RNPEPL1: variants seen among roughly 807,000 people sequenced by gnomAD.
RNPEPL1 encodes aminopeptidase RNPEPL1.
RNPEPL1 carries 46 observed loss-of-function variants against 69.0 expected under a neutral mutation model. The observed-to-expected ratio is 0.67, with a 90% CI of 0.53 to 0.85. The LOEUF (loss-of-function observed/expected upper bound fraction) is 0.85. RNPEPL1 is among the 40% of genes least tolerant of loss of function. The pLI is 0.00. For missense variants in RNPEPL1, 869 were observed against 992.5 expected (o/e 0.88, Z 1.67); for synonymous variants, 525 against 454.1 (o/e 1.16, Z -1.98).
Position 240,568,845 on chromosome 2 carries a change from T to C in RNPEPL1, c.259T>C (p.Ser87Pro), listed in dbSNP as rs1285808370. Reference sequence around the variant, plus strand: ...CGCGCACCCGGCTCTGCGCCTGCACTCAGCCGCCTTCCGTCGCGCCCCCGC... The same window carrying C: ...CGCGCACCCGGCTCTGCGCCTGCACCCAGCCGCCTTCCGTCGCGCCCCCGC... Reference protein sequence around the residue: ...LDAHPALRLHSAAFRRAPAAA... With the variant: ...LDAHPALRLHPAAFRRAPAAA... Residue 87 changes from serine to proline, a missense_variant, in exon 1 of 11, where the codon TCA becomes CCA. Transcript: ENST00000270357. The surrounding 1 kb of genome is among the most constrained non-coding windows in gnomAD (Gnocchi z 6.2). 3 of 1,178,960 alleles carry C rather than the reference T, an allele frequency of 2.5e-6. No homozygotes were observed. Among genetic ancestry groups the C allele is most frequent in the African/African-American group, 1.7e-5 (1 of 59,060 alleles). The allele number at this position is 1,178,960 out of a possible 1,614,324, so 73.0% of individuals were successfully genotyped here. A position where few individuals can be genotyped will look rare whatever the true frequency, so the allele number is the denominator to read the frequency against.
chr2:240,576,638 G>A lies in RNPEPL1; in HGVS notation c.1614G>A (p.Gln538=). 6.2e-7 allele frequency: 1 copy of A among 1,613,056 alleles called. No homozygotes were observed. Among genetic ancestry groups the A allele is most frequent in the Non-Finnish European group, 8.5e-7 (1 of 1,180,004 alleles). Reference sequence around the variant, plus strand: ...CCCGGCCCGTGGAGGCCCTTTTCCAGCTGTGGACCGCAGAACCTCTGGACC... The same window carrying A: ...CCCGGCCCGTGGAGGCCCTTTTCCAACTGTGGACCGCAGAACCTCTGGACC... ...SLTRPVEALF[Q]LWTAEPLDQA... is the part of the protein sequence containing the mutation. The change falls in exon 9 of 11, where the codon CAG becomes CAA. Residue 538 remains glutamine, a synonymous_variant. Coordinates refer to ENST00000270357, the MANE Select transcript of RNPEPL1 (RefSeq NM_018226.6).
Position 240,574,287 on chromosome 2 carries a change from G to C in RNPEPL1, c.1113G>C (p.Glu371Asp). ...GNAVTNATWE[E>D]MWLSEGLATY... ...CTGTCACCAACGCCACGTGGGAAGA[G>C]ATGTGGCTGAGCGAGGGCCTGGCCA... The change falls in exon 5 of 11, where the codon GAG (glutamate) becomes GAC (aspartate). Residue 371 changes from glutamate (E) to aspartate (D), a missense_variant. Glu to Asp is a conservative substitution (Grantham distance 45). Transcript: ENST00000270357. 3 of 1,609,988 alleles carry C rather than the reference G, an allele frequency of 1.9e-6. No individual in the cohort carries two copies. Among genetic ancestry groups the C allele is most frequent in the Non-Finnish European group, 1.7e-6 (2 of 1,179,890 alleles).
intron 1 of RNPEPL1, 132 bp downstream of exon 1, chr2:240,569,246 T>G: frequency 2.0e-6 from 2 of 975,974 alleles, no homozygotes; most frequent in Non-Finnish European, 2.7e-6. Flanking sequence ...CCCCGGTGAT[T>G]CCCAGCTGTT....
chr2:240,574,377 CG>C lies in RNPEPL1; in HGVS notation c.1174+35del, dbSNP rs528974904. Reference sequence around the variant, plus strand: ...CGGCCAGGGCCGGGGAGGGCAGCCACGGGGGGCCCTGGGCACTGGTCCAGGG... The same window carrying C: ...CGGCCAGGGCCGGGGAGGGCAGCCACGGGGGCCCTGGGCACTGGTCCAGGG... On this transcript the variant is annotated intron_variant, in intron 5 of 10. Transcript: ENST00000270357. The C allele has an allele frequency of 8.0e-5, 127 of 1,581,748 alleles. 1 individual carries two copies. The East Asian group carries it at 2.0e-3, about 24-fold the overall frequency.
intron 8 of RNPEPL1, chr2:240,576,209 G>T: frequency 4.6e-6 from 2 of 430,434 alleles, no homozygotes; most frequent in Non-Finnish European, 8.4e-6. Context: ...GCCCCTGCTG[G>T]TTCATGGCGC....
At chr2:240,577,535 G>A in intron 10 of RNPEPL1, 64 bp from the exon 11 acceptor site, 1 of 1,489,606 alleles carries the variant, frequency 6.7e-7, no homozygotes, top group Non-Finnish European at 9.0e-7. Flanking sequence ...GGCCGGGCTG[G>A]CAGGGTGGGC....
chr2:240,571,138 G>A (rs1239096686), intron 1 of RNPEPL1, among the ~76,000 whole-genome samples: 1 of 152,138 alleles, frequency 6.6e-6, no homozygotes, highest in Non-Finnish European at 1.5e-5. Flanking sequence ...CTCCCCAGGT[G>A]GGCCCTGAAC....
intron 1 of RNPEPL1, among the ~76,000 whole-genome samples, chr2:240,570,424 G>A (rs1239055728): frequency 2.0e-5 from 3 of 152,228 alleles, no homozygotes; most frequent in South Asian, 2.1e-4. Context: ...CCTGTGAGCC[G>A]CCCTACTTGC....
rs748842886 is a variant in RNPEPL1, at chr2:240,574,362, C to T, written c.1174+14C>T. 3.1e-4 allele frequency: 497 copies of T among 1,589,678 alleles called. No individual in the cohort carries two copies. Among genetic ancestry groups the T allele is most frequent in the Non-Finnish European group, 3.3e-4 (389 of 1,171,864 alleles). On this transcript the variant is annotated intron_variant, in intron 5 of 10. Coordinates refer to ENST00000270357, the MANE Select transcript of RNPEPL1 (RefSeq NM_018226.6). ...CCGAGACCTACGGTGCGGCCAGGGC[C>T]GGGGAGGGCAGCCACGGGGGGCCCT...
chr2:240,577,643 C>G lies in RNPEPL1; in HGVS notation c.1929C>G (p.Thr643=). ...YTIPLYEDLC[T]GALKSFALEV... ...TCCCGCTGTACGAGGACCTCTGCAC[C>G]GGTGCCCTCAAGTCCTTCGCGCTGG... The change falls in exon 11 of 11, where the codon ACC becomes ACG. Residue 643 remains threonine, a synonymous_variant. Transcript: ENST00000270357. 6.2e-7 allele frequency: 1 copy of G among 1,610,708 alleles called. No individual in the cohort carries two copies. Among genetic ancestry groups the G allele is most frequent in the Non-Finnish European group, 8.5e-7 (1 of 1,178,116 alleles).
chr2:240,576,675 T>C lies in RNPEPL1; in HGVS notation c.1651T>C (p.Ser551Pro). 1 of 1,612,980 alleles carries C rather than the reference T, an allele frequency of 6.2e-7. No homozygotes were observed. The highest frequency in any genetic ancestry group is 8.5e-7 in the Non-Finnish European group (1 of 1,179,970). ...TAEPLDQAAA[S>P]ASAIDISKWR... The stretch of plus-strand genomic sequence containing the variant: ...AGAACCTCTGGACCAGGCAGCTGCC[T>C]CGGCCAGCGCCATTGACATCTCCAA... The change falls in exon 9 of 11, where the codon TCG becomes CCG. Residue 551 changes from serine to proline, a missense_variant. Physicochemically the swap from Ser to Pro is moderately conservative, Grantham distance 74. This residue lies in a region of RNPEPL1 where 610 missense variants were observed against 790.9 expected (regional missense o/e 0.77). Transcript: ENST00000270357.
chr2:240,570,106 C>T (rs1015804643), intron 1 of RNPEPL1, among the ~76,000 whole-genome samples: 1 of 152,242 alleles, frequency 6.6e-6, no homozygotes, highest in Non-Finnish European at 1.5e-5. Flanking sequence ...AGGGCTCTGA[C>T]CGGTGGCAAG....
chr2:240,571,096 C>A (rs990209067), intron 1 of RNPEPL1, among the ~76,000 whole-genome samples: 2 of 152,080 alleles, frequency 1.3e-5, no homozygotes, highest in African/African-American at 4.8e-5. Context: ...GGTCCCAGCC[C>A]CCCCCAAGGG....
At position 240,575,549 on chromosome 2, in the gene RNPEPL1, G is replaced by T. The variant is rs774548755; in HGVS notation, c.1449G>T (p.Leu483=). ...TCACCAGCGTGGTGGCCCAGGACCT[G>T]CTGGACTCCTTCCTGAGCTTCTTCC... is the stretch of plus-strand genomic sequence containing the variant. ...YKFTSVVAQD[L]LDSFLSFFPE... is the part of the protein sequence containing the mutation. The change falls in exon 8 of 11, where the codon CTG becomes CTT. Residue 483 remains leucine, a synonymous_variant. Transcript: ENST00000270357. The T allele has an allele frequency of 2.5e-6, 4 of 1,613,554 alleles. No individual in the cohort carries two copies. Among genetic ancestry groups the T allele is most frequent in the Non-Finnish European group, 3.4e-6 (4 of 1,180,002 alleles).
rs2093050643 is a variant in RNPEPL1, at chr2:240,580,850, CAG to C, written c.*2962_*2963del. On this transcript the variant is annotated 3_prime_UTR_variant, in exon 11 of 11. Coordinates refer to ENST00000270357, the MANE Select transcript of RNPEPL1 (RefSeq NM_018226.6). ...AAGCGTGATGAAAGACTGGTTTCTA[CAG>C]AGATAGATTAGAAAGCTGAAGCCTG... 1 of 152,164 alleles carries C rather than the reference CAG, an allele frequency of 6.6e-6. No individual in the cohort carries two copies. Among genetic ancestry groups the C allele is most frequent in the Non-Finnish European group, 1.5e-5 (1 of 68,030 alleles). 9.4% of individuals were successfully genotyped at this position (152,164 alleles called of 1,614,324 possible). A position where few individuals can be genotyped will look rare whatever the true frequency, so the allele number is the denominator to read the frequency against.
intron 2 of RNPEPL1, 83 bp downstream of exon 2, chr2:240,572,646 G>C (rs2093025244): frequency 2.7e-6 from 4 of 1,491,304 alleles, no homozygotes; most frequent in Non-Finnish European, 3.6e-6. Flanking sequence ...GCTCCTACCT[G>C]CCTGGGCTGT....
Position 240,578,526 on chromosome 2 carries a change from G to A in RNPEPL1, c.*634G>A, listed in dbSNP as rs900870690. The A allele has an allele frequency of 6.6e-6, 1 of 152,424 alleles. No individual in the cohort carries two copies. The highest frequency in any genetic ancestry group is 1.5e-5 in the Non-Finnish European group (1 of 68,140). The allele number at this position is 152,424 out of a possible 1,614,324, so 9.4% of individuals were successfully genotyped here. Reference sequence around the variant, plus strand: ...TCCCAGGACCCAGGGAGAGTGTGGGGACAGGACAGCCTGTCTCTTGTAGCT... The same window carrying A: ...TCCCAGGACCCAGGGAGAGTGTGGGAACAGGACAGCCTGTCTCTTGTAGCT... On this transcript the variant is annotated 3_prime_UTR_variant, in exon 11 of 11. Transcript: ENST00000270357.
chr2:240,572,704 C>G (rs1454940912), intron 2 of RNPEPL1, 141 bp downstream of exon 2: 2 of 1,139,266 alleles, frequency 1.8e-6, no homozygotes, highest in African/African-American at 1.5e-5. Context: ...CCCACCCTCC[C>G]TACTCTATGG....
At chr2:240,572,693 GC>G in intron 2 of RNPEPL1, 130 bp downstream of exon 2, 1 of 1,201,264 alleles carries the variant, frequency 8.3e-7, no homozygotes, top group Non-Finnish European at 1.2e-6. Flanking sequence ...GCTAGCAGGA[GC>G]CCACCCTCCC....
Sources: gnomAD v4.1 joint callset for allele counts (sites outside exome capture counted in the v4.1 genomes callset) on GRCh38, gnomAD v4.1.1 for gene constraint, gnomAD v4.1.1 regional missense constraint, Gnocchi (gnomAD v3.1) non-coding constraint, MANE v1.5 for transcripts, NCBI Gene and HGNC (gene_info 2026-07-23, HGNC 2026-07-21) for gene names.